ULK4: variants seen among roughly 807,000 people sequenced by gnomAD.
ULK4 encodes the protein unc-51 like kinase 4.
A neutral mutation model predicts 160.6 loss-of-function variants in ULK4; 133 were observed. The observed-to-expected ratio is 0.83, with a 90% CI of 0.72 to 0.96. The LOEUF (loss-of-function observed/expected upper bound fraction) is 0.96, where lower values mean the gene tolerates loss of function less well. Ranked by LOEUF, ULK4 falls within the 40% of genes least tolerant of loss-of-function variation. The pLI is 0.00. For synonymous variants in ULK4, 534 were observed against 539.8 expected, an observed-to-expected ratio of 0.99 and a Z score of 0.15; for missense variants, 1,580 against 1,499.5, an observed-to-expected ratio of 1.05 and a Z score of -0.89.
chr3:41,865,868 C>T (rs1218404254), intron 17 of ULK4, among the ~76,000 whole-genome samples: 6 of 151,030 alleles, frequency 4.0e-5, no homozygotes, highest in Admixed American at 4.0e-4. Flanking sequence ...ACTCTGTGAC[C>T]TTGCATAAAA....
intron 35 of ULK4, among the ~76,000 whole-genome samples, chr3:41,325,682 G>C (rs1180630191): frequency 6.6e-6 from 1 of 152,096 alleles, no homozygotes; most frequent in Non-Finnish European, 1.5e-5. Flanking sequence ...TTGGGAGGCT[G>C]AGGTGGGCAG....
chr3:41,789,416 C>T (rs1204998706), intron 21 of ULK4, among the ~76,000 whole-genome samples: 1 of 152,146 alleles, frequency 6.6e-6, no homozygotes, highest in East Asian at 1.9e-4. Context: ...GAGACATTTT[C>T]AGTTTAACAT....
At chr3:41,846,060 T>C (rs1018818174) in intron 17 of ULK4, among the ~76,000 whole-genome samples, 5 of 152,212 alleles carry the variant, frequency 3.3e-5, no homozygotes, top group African/African-American at 4.8e-5. Context: ...TCCAGCATAA[T>C]AGAAATTGCT....
chr3:41,455,102 G>A (rs1165478166), intron 34 of ULK4, among the ~76,000 whole-genome samples: 1 of 152,076 alleles, frequency 6.6e-6, no homozygotes, highest in East Asian at 1.9e-4. Flanking sequence ...TTGAGGGGGT[G>A]GGCCCTAGGT....
At chr3:41,447,432 C>T (rs2083325753) in intron 34 of ULK4, among the ~76,000 whole-genome samples, 1 of 152,082 alleles carries the variant, frequency 6.6e-6, no homozygotes, top group Admixed American at 6.6e-5. Flanking sequence ...CAACCTAGAG[C>T]AGGCAGCCTT....
At chr3:41,717,448 TA>T (rs557654028) in intron 23 of ULK4, among the ~76,000 whole-genome samples, 39 of 152,172 alleles carry the variant, frequency 2.6e-4, no homozygotes, top group Non-Finnish European at 4.0e-4. Context: ...TTTAAGCAAT[TA>T]AACCGCTTTT....
rs533625801 is a variant in ULK4 at position 41,537,046 on chromosome 3, C to G, written c.3226+28979G>C. The stretch of plus-strand genomic sequence containing the variant: ...GTCAATTTGTTTGCTGACACTGCTT[C>G]TTCTACATCTTCTTCCTCATCATCT... On this transcript the variant is annotated intron_variant, in intron 32 of 36. Coordinates refer to ENST00000301831, the MANE Select transcript of ULK4 (RefSeq NM_017886.4). Among the ~76,000 whole-genome samples the G allele has an allele frequency of 3.9e-5, 6 of 152,324 alleles. No homozygotes were observed. In the South Asian group the frequency reaches 1.2e-3, roughly 32 times the overall value.
chr3:41,709,474 C>A (rs2037016373), intron 25 of ULK4, among the ~76,000 whole-genome samples: 1 of 152,098 alleles, frequency 6.6e-6, no homozygotes, highest in African/African-American at 2.4e-5. Context: ...GCAACCTCCG[C>A]CTCCCGGGTT....
chr3:41,701,304 C>T (rs972790354), intron 27 of ULK4, among the ~76,000 whole-genome samples: 1 of 152,114 alleles, frequency 6.6e-6, no homozygotes, highest in African/African-American at 2.4e-5. Flanking sequence ...ACCAAATCTA[C>T]ACCACCTCCC....
intron 35 of ULK4, among the ~76,000 whole-genome samples, chr3:41,357,798 A>C (rs941455052): frequency 6.6e-6 from 1 of 152,218 alleles, no homozygotes; most frequent in Non-Finnish European, 1.5e-5. Flanking sequence ...AGCTCACTTA[A>C]TTCAACCTAC....
intron 18 of ULK4, among the ~76,000 whole-genome samples, chr3:41,829,042 G>C (rs1437423416): frequency 6.7e-6 from 1 of 149,934 alleles, no homozygotes; most frequent in African/African-American, 2.5e-5. Flanking sequence ...ACAAGCAATG[G>C]GGAAAGGATT....
In ULK4 at chr3:41,531,524, GA is replaced by G. The variant is rs60703381; in HGVS notation, c.3226+34500del. On this transcript the variant is annotated intron_variant, in intron 32 of 36. Transcript: ENST00000301831. ...AAGAAAAAGAAAAGAAAAAGAAAAAGAAAAAAAAAAGAAATAAACATCCTTC... is the reference window on the plus strand; with the variant it reads ...AAGAAAAAGAAAAGAAAAAGAAAAAGAAAAAAAAAGAAATAAACATCCTTC... Among the ~76,000 whole-genome samples, 139 of 140,888 alleles carry G rather than the reference GA, an allele frequency of 9.9e-4. 2 individuals carry two copies. The highest frequency in any genetic ancestry group is 3.8e-3 in the Admixed American group (54 of 14,062). 92.4% of individuals were successfully genotyped at this position (140,888 alleles called of 152,430 possible).
chr3:41,678,847 G>A (rs533332361), intron 29 of ULK4, among the ~76,000 whole-genome samples: 2 of 152,128 alleles, frequency 1.3e-5, no homozygotes, highest in Non-Finnish European at 1.5e-5. Context: ...AATTGAAGTG[G>A]GTGCTATATA....
chr3:41,525,207 C>T (rs2086071782), intron 32 of ULK4, among the ~76,000 whole-genome samples: 1 of 152,170 alleles, frequency 6.6e-6, no homozygotes, highest in Non-Finnish European at 1.5e-5. Context: ...ATATTTCTCA[C>T]ATAGCACCTC....
intron 8 of ULK4, 90 bp from the exon 9 acceptor site, chr3:41,912,989 T>G (rs1427835691): frequency 8.8e-7 from 1 of 1,141,278 alleles, no homozygotes; most frequent in Non-Finnish European, 1.3e-6. Context: ...ATAGCAGATT[T>G]TACAAGGTAC....
chr3:41,304,493 A>G (rs953175992), intron 35 of ULK4, among the ~76,000 whole-genome samples: 2 of 152,320 alleles, frequency 1.3e-5, no homozygotes, highest in East Asian at 3.9e-4. Context: ...TAAAACATTG[A>G]TAAGTGTAAC....
chr3:41,900,096 T>C (rs1298783821), intron 13 of ULK4, among the ~76,000 whole-genome samples: 8 of 152,140 alleles, frequency 5.3e-5, no homozygotes, highest in South Asian at 4.1e-4. Flanking sequence ...AGAAATGAAT[T>C]TGTTTTTTAA....
intron 34 of ULK4, among the ~76,000 whole-genome samples, chr3:41,441,338 A>C (rs1048872265): frequency 1.3e-5 from 2 of 151,988 alleles, no homozygotes; most frequent in African/African-American, 4.8e-5. Flanking sequence ...ACAAATTCTC[A>C]TATGTAGTGC....
At chr3:41,595,934 TG>T (rs2031657915) in intron 31 of ULK4, among the ~76,000 whole-genome samples, 1 of 152,110 alleles carries the variant, frequency 6.6e-6, no homozygotes, top group Admixed American at 6.5e-5. Flanking sequence ...CAGAGGGATG[TG>T]GGGTAAAGAG....
Sources: allele counts gnomAD v4.1 joint callset (sites outside exome capture counted in the v4.1 genomes callset), GRCh38; gene constraint gnomAD v4.1.1; transcripts MANE v1.5; gene names NCBI Gene and HGNC (gene_info 2026-07-23, HGNC 2026-07-21).